MSR1: variants seen among roughly 807,000 people sequenced by gnomAD.
MSR1 encodes the protein macrophage scavenger receptor 1, also known as macrophage scavenger receptor types I and II.
A neutral mutation model predicts 47.2 loss-of-function variants in MSR1; 53 were observed. That is an observed-to-expected ratio of 1.12 (90% CI 0.90 to 1.41). The LOEUF is 1.41. Ranked by LOEUF, MSR1 falls within the 40% of genes most tolerant of loss-of-function variation. The pLI is 0.00. For synonymous variants in MSR1, 239 were observed against 185.6 expected (o/e 1.29, Z -2.34); for missense variants, 786 against 546.9 (o/e 1.44, Z -4.36).
chr8:16,162,428 T>C (rs913098942), intron 5 of MSR1, among the ~76,000 whole-genome samples: 1 of 152,072 alleles, frequency 6.6e-6, no homozygotes, highest in Non-Finnish European at 1.5e-5. Context: ...CCAGAAGAAA[T>C]GCCCGAGGTG....
intron 3 of MSR1, among the ~76,000 whole-genome samples, chr8:16,171,834 C>T (rs1051834364): frequency 2.6e-5 from 4 of 152,148 alleles, no homozygotes; most frequent in South Asian, 2.1e-4. Context: ...CCTTTATAAA[C>T]TATGGCGTTG....
chr8:16,186,281 G>A (rs1801997706), intron 1 of MSR1: 3 of 1,305,506 alleles, frequency 2.3e-6, no homozygotes, highest in Admixed American at 4.1e-5. Flanking sequence ...GTGAGCCAGG[G>A]TCCAGTTTCT....
At chr8:16,183,706 T>C (rs1801908712) in intron 1 of MSR1, among the ~76,000 whole-genome samples, 1 of 142,106 alleles carries the variant, frequency 7.0e-6, no homozygotes, top group African/African-American at 2.6e-5. Context: ...ATATTATATG[T>C]AATACCATAT....
intron 9 of MSR1, among the ~76,000 whole-genome samples, chr8:16,117,600 G>C (rs187065): frequency 6.6e-6 from 1 of 151,988 alleles, no homozygotes; most frequent in African/African-American, 2.4e-5. Context: ...TTAAACTTTC[G>C]AAGCAGAATA....
At chr8:16,181,303 C>A (rs1801824399) in intron 1 of MSR1, among the ~76,000 whole-genome samples, 1 of 152,094 alleles carries the variant, frequency 6.6e-6, no homozygotes, top group Admixed American at 6.6e-5. Flanking sequence ...CTAATTTACA[C>A]CCCACCAACA....
intron 8 of MSR1, chr8:16,140,978 A>T (rs1800541494): frequency 1.2e-6 from 2 of 1,613,844 alleles, no homozygotes; most frequent in African/African-American, 2.7e-5. Context: ...GTAGCAGAGG[A>T]TGTCCCGCCC....
rs1801618829 is a variant in MSR1 at position 16,175,447 on chromosome 8, A to C, written c.104-147T>G. On this transcript the variant is annotated intron_variant, in intron 2 of 9. Coordinates refer to ENST00000262101, the MANE Select transcript of MSR1 (RefSeq NM_138715.3). ...AATGTTCCACATCTTTGCAGTAGAA[A>C]GCAAAAGGACAGTCACAGGAAAAGC... 10 of 734,990 alleles carry C rather than the reference A, an allele frequency of 1.4e-5. 1 individual carries two copies. In the South Asian group the frequency reaches 1.6e-4, roughly 12 times the overall value. 45.5% of individuals were successfully genotyped at this position (734,990 alleles called of 1,614,324 possible).
intron 9 of MSR1, among the ~76,000 whole-genome samples, chr8:16,118,267 A>G (rs987999763): frequency 6.6e-6 from 1 of 152,210 alleles, no homozygotes; most frequent in Non-Finnish European, 1.5e-5. Flanking sequence ...GTCATTTACC[A>G]GGTGACTAAG....
At position 16,167,990 on chromosome 8, in the gene MSR1, A is replaced by G. The variant is rs113158669; in HGVS notation, c.630+468T>C. ...GTTCACCAACAGACTCCCCATACAAAAACTGTAATACCATTGTCTTCTGAC... is the reference window on the plus strand; with the variant it reads ...GTTCACCAACAGACTCCCCATACAAGAACTGTAATACCATTGTCTTCTGAC... On this transcript the variant is annotated intron_variant, in intron 4 of 9. Coordinates refer to ENST00000262101, the MANE Select transcript of MSR1 (RefSeq NM_138715.3). 9.0e-3 allele frequency among the ~76,000 whole-genome samples: 1,376 copies of G among 152,278 alleles called. 12 individuals are homozygous for G. Among genetic ancestry groups the G allele is most frequent in the Non-Finnish European group, 0.016 (1,097 of 68,010 alleles).
intron 7 of MSR1, 59 bp downstream of exon 7, chr8:16,150,172 A>AT (rs1563153611): frequency 4.7e-5 from 16 of 337,230 alleles, no homozygotes; most frequent in African/African-American, 1.9e-4. Flanking sequence ...ATATATATAT[A>AT]AAATTATCTG....
At chr8:16,178,353 T>C (rs148588955) in intron 1 of MSR1, among the ~76,000 whole-genome samples, 3,601 of 150,638 alleles carry the variant, frequency 0.024, 143 homozygotes, top group African/African-American at 0.084. Context: ...GAACATGCGG[T>C]GTTTGGGTTT....
At chr8:16,158,202 C>T (rs1046120839) in intron 5 of MSR1, among the ~76,000 whole-genome samples, 1 of 151,796 alleles carries the variant, frequency 6.6e-6, no homozygotes. Context: ...TTAATATTTC[C>T]AATTACAGTT....
chr8:16,157,204 T>C (rs1185465943), intron 5 of MSR1, among the ~76,000 whole-genome samples: 4 of 151,946 alleles, frequency 2.6e-5, no homozygotes, highest in Non-Finnish European at 5.9e-5. Flanking sequence ...AGATCTAGAC[T>C]CTTAGCCTCT....
intron 7 of MSR1, among the ~76,000 whole-genome samples, chr8:16,145,625 A>T (rs944889131): frequency 6.6e-6 from 1 of 152,150 alleles, no homozygotes; most frequent in African/African-American, 2.4e-5. Context: ...ATAAAAAATT[A>T]GTTTCATGTT....
At chr8:16,188,426 A>G (rs1399195929) in intron 1 of MSR1, among the ~76,000 whole-genome samples, 1 of 152,214 alleles carries the variant, frequency 6.6e-6, no homozygotes, top group East Asian at 1.9e-4. Flanking sequence ...TGCACGTATC[A>G]TTTGGTATTA....
intron 3 of MSR1, among the ~76,000 whole-genome samples, chr8:16,173,009 T>C (rs1472771835): frequency 6.6e-6 from 1 of 152,188 alleles, no homozygotes; most frequent in East Asian, 1.9e-4. Flanking sequence ...ATTAAAGTTG[T>C]AAGTGGATTG....
chr8:16,185,255 C>A (rs1205452217), intron 1 of MSR1, among the ~76,000 whole-genome samples: 2 of 152,080 alleles, frequency 1.3e-5, no homozygotes, highest in African/African-American at 4.8e-5. Context: ...CACAGTCTCT[C>A]TGAGAATCTC....
chr8:16,156,281 T>A (rs1455960474), intron 5 of MSR1, among the ~76,000 whole-genome samples: 1 of 151,956 alleles, frequency 6.6e-6, no homozygotes, highest in Non-Finnish European at 1.5e-5. Context: ...ACAGCATCCC[T>A]GGTTAGAATG....
At chr8:16,118,677 C>G (rs1799931557) in intron 9 of MSR1, among the ~76,000 whole-genome samples, 1 of 151,476 alleles carries the variant, frequency 6.6e-6, no homozygotes, top group African/African-American at 2.4e-5. Flanking sequence ...GATCTGTCTC[C>G]AAAACCAAAA....
Sources: allele counts gnomAD v4.1 joint callset (sites outside exome capture counted in the v4.1 genomes callset), GRCh38; gene constraint gnomAD v4.1.1; transcripts MANE v1.5; gene names NCBI Gene and HGNC (gene_info 2026-07-23, HGNC 2026-07-21).